CDH18: variants seen among roughly 807,000 people sequenced by gnomAD.
CDH18 encodes the protein cadherin-18.
Under a neutral mutation model 67.9 loss-of-function variants are expected in CDH18, and 31 were observed. The ratio of observed to expected loss-of-function variants is 0.46; its 90% CI spans 0.34 to 0.62. CDH18 has a LOEUF of 0.62. CDH18 is among the 20% of genes least tolerant of loss of function. The pLI, the probability that CDH18 is intolerant of heterozygous loss-of-function variation, is 0.01. For synonymous variants in CDH18, 362 were observed against 347.2 expected (o/e 1.04, Z -0.48); for missense variants, 890 against 975.5 (o/e 0.91, Z 1.17).
At chr5:20,012,546 G>C (rs1019428836) in intron 2 of CDH18, among the ~76,000 whole-genome samples, 1 of 152,020 alleles carries the variant, frequency 6.6e-6, no homozygotes, top group Non-Finnish European at 1.5e-5. Context: ...AAACACCTAG[G>C]AATAGAGCTA....
At chr5:20,064,454 T>TTGTGGAATGA (rs1418056476) in intron 2 of CDH18, among the ~76,000 whole-genome samples, 4 of 152,170 alleles carry the variant, frequency 2.6e-5, no homozygotes, top group African/African-American at 9.6e-5. Context: ...GTTAGCTTCT[T>TTGTGGAATGA]TGTGGAATGA....
chr5:20,042,909 C>T lies in CDH18; in HGVS notation c.-517-50895G>A, dbSNP rs571352979. On this transcript the variant is annotated intron_variant, in intron 2 of 14. Coordinates refer to the CDH18 transcript ENST00000507958. ...CCCGGGAGGCAGAGCTTGCAGTGAG[C>T]CAAGATCGCGCCACTGCACTCCAGC... is the stretch of plus-strand genomic sequence containing the variant. 1.7e-3 allele frequency among the ~76,000 whole-genome samples: 266 copies of T among 152,044 alleles called. 3 individuals carry two copies. Among genetic ancestry groups the T allele is most frequent in the African/African-American group, 6.2e-3 (257 of 41,486 alleles).
intron 1 of CDH18, among the ~76,000 whole-genome samples, chr5:20,491,474 T>C (rs1753579609): frequency 6.6e-6 from 1 of 152,126 alleles, no homozygotes; most frequent in African/African-American, 2.4e-5. Context: ...AATTAGCTCA[T>C]GTGATTATAA....
chr5:19,848,946 TAC>T (rs917435172), intron 2 of CDH18, among the ~76,000 whole-genome samples: 14 of 150,070 alleles, frequency 9.3e-5, no homozygotes, highest in African/African-American at 1.7e-4. Context: ...TGTGTATATA[TAC>T]ACACACACAC....
rs192753210 is a variant in CDH18, at chr5:19,568,584, T to G, written c.1253+2995A>C. ...CAGCCAAACTGACTAAAGGAGAAAA[T>G]TGGTGGGACATTCATTGTGTGATGT... On this transcript the variant is annotated intron_variant, in intron 8 of 12. Coordinates refer to ENST00000382275, the MANE Select transcript of CDH18 (RefSeq NM_004934.5). Among the ~76,000 whole-genome samples, 5 of 152,070 alleles carry G rather than the reference T, an allele frequency of 3.3e-5. No homozygotes were observed. The South Asian group carries it at 1.0e-3, about 32-fold the overall frequency.
Position 20,142,127 on chromosome 5 carries a change from G to A in CDH18, c.-518+113317C>T, listed in dbSNP as rs1267989904. Among the ~76,000 whole-genome samples, 3 of 151,954 alleles carry A rather than the reference G, an allele frequency of 2.0e-5. No individual in the cohort carries two copies. The East Asian group carries it at 5.8e-4, about 29-fold the overall frequency. On this transcript the variant is annotated intron_variant, in intron 2 of 14. Coordinates refer to the CDH18 transcript ENST00000507958. ...GAGGAAGAGGAAGCAAATGATTTGT[G>A]GTCTCATCAAAAGCTGAAAGAATAG...
chr5:20,433,673 A>G (rs1200762243), intron 1 of CDH18, among the ~76,000 whole-genome samples: 4 of 152,104 alleles, frequency 2.6e-5, no homozygotes, highest in African/African-American at 4.8e-5. Flanking sequence ...TCTAAACACT[A>G]TTTGTAAATA....
At chr5:20,236,661 G>A (rs550306021) in intron 2 of CDH18, among the ~76,000 whole-genome samples, 11 of 152,056 alleles carry the variant, frequency 7.2e-5, no homozygotes, top group Non-Finnish European at 1.2e-4. Flanking sequence ...GGAATTTAAC[G>A]TCCCAATATC....
At chr5:20,561,289 C>T (rs1758194993) in intron 1 of CDH18, among the ~76,000 whole-genome samples, 1 of 152,014 alleles carries the variant, frequency 6.6e-6, no homozygotes, top group African/African-American at 2.4e-5. Context: ...TACATACACA[C>T]AAAACACTGC....
At chr5:19,716,908 A>T (rs2150557856) in intron 5 of CDH18, among the ~76,000 whole-genome samples, 1 of 152,244 alleles carries the variant, frequency 6.6e-6, no homozygotes, top group East Asian at 1.9e-4. Flanking sequence ...ATGAAAAATG[A>T]TACATGAGTT....
intron 5 of CDH18, among the ~76,000 whole-genome samples, chr5:19,718,886 GTTGT>G (rs1247553018): frequency 6.6e-6 from 1 of 151,864 alleles, no homozygotes; most frequent in Admixed American, 6.6e-5. Flanking sequence ...ACTTATTTTT[GTTGT>G]TTAATAAGGT....
intron 9 of CDH18, among the ~76,000 whole-genome samples, chr5:19,528,266 T>G (rs1330657389): frequency 2.0e-5 from 3 of 151,722 alleles, no homozygotes; most frequent in Non-Finnish European, 4.4e-5. Flanking sequence ...ATAGAGTATA[T>G]AGGATTTACC....
intron 3 of CDH18, among the ~76,000 whole-genome samples, chr5:19,794,121 C>A (rs1211074641): frequency 6.6e-6 from 1 of 152,080 alleles, no homozygotes; most frequent in Non-Finnish European, 1.5e-5. Flanking sequence ...AATAGTCCTA[C>A]AAATAGCATT....
At chr5:20,420,899 C>G (rs1406301882) in intron 1 of CDH18, among the ~76,000 whole-genome samples, 1 of 151,144 alleles carries the variant, frequency 6.6e-6, no homozygotes, top group African/African-American at 2.5e-5. Context: ...TGCATAGTTA[C>G]TGCTTTTTCA....
At chr5:19,561,890 C>A (rs1739522065) in intron 8 of CDH18, among the ~76,000 whole-genome samples, 1 of 152,034 alleles carries the variant, frequency 6.6e-6, no homozygotes, top group South Asian at 2.1e-4. Flanking sequence ...TGACATTGAA[C>A]AATAAACCAT....
intron 2 of CDH18, among the ~76,000 whole-genome samples, chr5:19,900,506 G>A (rs977253741): frequency 6.6e-6 from 1 of 152,004 alleles, no homozygotes; most frequent in Admixed American, 6.6e-5. Flanking sequence ...TGTATCAAAC[G>A]ATAATTTGAC....
intron 2 of CDH18, among the ~76,000 whole-genome samples, chr5:20,254,411 A>G (rs1443113636): frequency 6.6e-6 from 1 of 152,144 alleles, no homozygotes; most frequent in Admixed American, 6.5e-5. Flanking sequence ...CACCCAGCCT[A>G]TTTCCAGCAT....
intron 2 of CDH18, among the ~76,000 whole-genome samples, chr5:20,018,799 C>CTTTT (rs34748553): frequency 6.9e-6 from 1 of 144,640 alleles, no homozygotes. Flanking sequence ...ATAAGGCATT[C>CTTTT]TTTTTTTTTT....
chr5:19,841,812 G>T (rs1305724373), intron 2 of CDH18, among the ~76,000 whole-genome samples: 1 of 152,106 alleles, frequency 6.6e-6, no homozygotes, highest in Non-Finnish European at 1.5e-5. Flanking sequence ...TTACAATACT[G>T]ATTGTGAGTC....
Sources: allele counts gnomAD v4.1 joint callset (sites outside exome capture counted in the v4.1 genomes callset), GRCh38; gene constraint gnomAD v4.1.1; transcripts MANE v1.5; gene names NCBI Gene and HGNC (gene_info 2026-07-23, HGNC 2026-07-21).